Variants in TTC29 observed in about 807,000 individuals in gnomAD.
TTC29 encodes the protein tetratricopeptide repeat protein 29.
In TTC29, 49 loss-of-function variants were observed where a neutral mutation model predicts 58.1. The ratio of observed to expected loss-of-function variants is 0.84; its 90% CI spans 0.67 to 1.07. TTC29 has a LOEUF of 1.07. TTC29 is among the 50% of genes least tolerant of loss of function. TTC29 has a pLI of 0.00. For missense variants in TTC29, 582 were observed against 555.6 expected, an observed-to-expected ratio of 1.05 and a Z score of -0.48; for synonymous variants, 209 against 196.8, an observed-to-expected ratio of 1.06 and a Z score of -0.52.
chr4:146,877,206 A>G (rs184399067), intron 6 of TTC29, among the ~76,000 whole-genome samples: 28 of 152,222 alleles, frequency 1.8e-4, no homozygotes, highest in African/African-American at 6.5e-4. Flanking sequence ...AAGCATTATC[A>G]GTGTTATGTC....
chr4:146,775,040 G>C (rs1747989403), intron 11 of TTC29, among the ~76,000 whole-genome samples: 1 of 152,046 alleles, frequency 6.6e-6, no homozygotes. Context: ...TTAGAAGTCT[G>C]TTTGTCTTCT....
intron 5 of TTC29, among the ~76,000 whole-genome samples, chr4:146,906,227 T>C (rs1272750044): frequency 6.6e-6 from 1 of 151,646 alleles, no homozygotes; most frequent in Non-Finnish European, 1.5e-5. Flanking sequence ...CAAAAAGAAA[T>C]GATTGGCTTA....
intron 11 of TTC29, among the ~76,000 whole-genome samples, chr4:146,729,320 A>T (rs1339274269): frequency 1.3e-5 from 2 of 152,078 alleles, no homozygotes; most frequent in East Asian, 3.9e-4. Flanking sequence ...ATTAAAGTTG[A>T]CTTTTCATTT....
chr4:146,895,818 G>T (rs1003722419), intron 6 of TTC29, among the ~76,000 whole-genome samples: 2 of 151,952 alleles, frequency 1.3e-5, no homozygotes, highest in African/African-American at 4.8e-5. Flanking sequence ...TTTCCCTTGT[G>T]CTTTGTTCAA....
intron 11 of TTC29, among the ~76,000 whole-genome samples, chr4:146,788,825 CTT>C (rs1035684560): frequency 2.6e-5 from 4 of 152,018 alleles, no homozygotes; most frequent in African/African-American, 9.6e-5. Flanking sequence ...GGAAGTAAAA[CTT>C]AAGAAACTTT....
chr4:146,802,999 TACTACCA>T (rs1561139248), intron 11 of TTC29, among the ~76,000 whole-genome samples: 1 of 152,180 alleles, frequency 6.6e-6, no homozygotes, highest in African/African-American at 2.4e-5. Flanking sequence ...TGAGAAAGAT[TACTACCA>T]ACTATTTTCT....
In TTC29 at chr4:146,803,670, C is replaced by T. The variant is rs370463578; in HGVS notation, c.1117G>A (p.Ala373Thr). 96 of 1,588,868 alleles carry T rather than the reference C, an allele frequency of 6.0e-5. No homozygotes were observed. The highest frequency in any genetic ancestry group is 8.3e-5 in the Non-Finnish European group (96 of 1,163,476). The change falls in exon 11 of 13, where the codon GCT (alanine) becomes ACT (threonine). Residue 373 changes from alanine (A) to threonine (T), a missense_variant. Transcript: ENST00000325106. ...AAAGCTTGCTGAAAGCATTCAGAAG[C>T]TTTGTTGTAGTATCCCTAAAAAGGT... ...IYNEKGYYNKASECFQQAFDT... is the reference protein window; with the variant it reads ...IYNEKGYYNKTSECFQQAFDT...
At chr4:146,803,059 A>T (rs1750343820) in intron 11 of TTC29, among the ~76,000 whole-genome samples, 1 of 152,246 alleles carries the variant, frequency 6.6e-6, no homozygotes, top group Non-Finnish European at 1.5e-5. Flanking sequence ...ACTTATCAGT[A>T]AAGTAAGCGC....
chr4:146,877,779 CAGAT>C (rs1731369857), intron 6 of TTC29, among the ~76,000 whole-genome samples: 1 of 152,100 alleles, frequency 6.6e-6, no homozygotes, highest in Non-Finnish European at 1.5e-5. Context: ...GTGAGAAAAA[CAGAT>C]AGTTCCAGAA....
chr4:146,805,074 G>T (rs547927253), intron 10 of TTC29, among the ~76,000 whole-genome samples: 115 of 151,218 alleles, frequency 7.6e-4, no homozygotes, highest in African/African-American at 2.7e-3. Context: ...CAGCCCCGCT[G>T]GTGATACCCA....
At chr4:146,718,919 T>A (rs1743149369) in intron 11 of TTC29, among the ~76,000 whole-genome samples, 1 of 152,198 alleles carries the variant, frequency 6.6e-6, no homozygotes, top group African/African-American at 2.4e-5. Flanking sequence ...TCATTCTGCA[T>A]ACGGATATCC....
chr4:146,922,734 A>AC (rs1300599787), intron 4 of TTC29, among the ~76,000 whole-genome samples: 1 of 151,622 alleles, frequency 6.6e-6, no homozygotes, highest in Non-Finnish European at 1.5e-5. Flanking sequence ...CCAACCCTAG[A>AC]CCCCGTATTA....
At chr4:146,895,667 A>G (rs1181531015) in intron 6 of TTC29, among the ~76,000 whole-genome samples, 1 of 152,182 alleles carries the variant, frequency 6.6e-6, no homozygotes, top group Non-Finnish European at 1.5e-5. Flanking sequence ...GGGAGAATAG[A>G]GACTCTGATT....
At chr4:146,899,458 T>C (rs1484793663) in intron 6 of TTC29, among the ~76,000 whole-genome samples, 1 of 152,202 alleles carries the variant, frequency 6.6e-6, no homozygotes, top group Non-Finnish European at 1.5e-5. Context: ...AAGATACAGC[T>C]GATTTGTTCC....
intron 4 of TTC29, among the ~76,000 whole-genome samples, chr4:146,909,920 C>T (rs866023655): frequency 2.0e-5 from 3 of 151,984 alleles, no homozygotes; most frequent in Admixed American, 6.6e-5. Context: ...ACCCTTGTGA[C>T]GCTTACATTC....
intron 6 of TTC29, among the ~76,000 whole-genome samples, chr4:146,902,159 C>T (rs897088312): frequency 8.5e-5 from 13 of 152,146 alleles, no homozygotes; most frequent in Non-Finnish European, 1.9e-4. Context: ...TAGCCATCCC[C>T]CTTCCTCTTT....
intron 11 of TTC29, among the ~76,000 whole-genome samples, chr4:146,733,541 C>T (rs1162551494): frequency 6.6e-6 from 1 of 151,986 alleles, no homozygotes; most frequent in Admixed American, 6.6e-5. Flanking sequence ...CTTATTAGAC[C>T]TGTTACTTAG....
chr4:146,844,098 C>T (rs188221016), intron 8 of TTC29, among the ~76,000 whole-genome samples: 101 of 152,226 alleles, frequency 6.6e-4, no homozygotes, highest in African/African-American at 2.3e-3. Context: ...AATGTAATAG[C>T]CTGGTTAAGA....
chr4:146,828,972 A>G (rs1727985723), intron 9 of TTC29, among the ~76,000 whole-genome samples: 1 of 152,174 alleles, frequency 6.6e-6, no homozygotes, highest in Admixed American at 6.5e-5. Context: ...AACACCAAAT[A>G]TTTTCTTACA....
Sources: gnomAD v4.1 joint callset for allele counts (sites outside exome capture counted in the v4.1 genomes callset) on GRCh38, gnomAD v4.1.1 for gene constraint, MANE v1.5 for transcripts, NCBI Gene and HGNC (gene_info 2026-07-23, HGNC 2026-07-21) for gene names.